KIAA0825: variants seen among roughly 807,000 people sequenced by gnomAD.
KIAA0825 encodes the protein uncharacterized protein KIAA0825.
Under a neutral mutation model 147.6 loss-of-function variants are expected in KIAA0825, and 119 were observed. The ratio of observed to expected loss-of-function variants is 0.81; its 90% CI spans 0.69 to 0.94. The LOEUF (loss-of-function observed/expected upper bound fraction) is 0.94, where lower values mean the gene tolerates loss of function less well. Ranked by LOEUF, KIAA0825 falls within the 40% of genes least tolerant of loss-of-function variation. The pLI is 0.00. For missense variants in KIAA0825, 1,381 were observed against 1,472.7 expected (o/e 0.94, Z 1.02); for synonymous variants, 470 against 518.1 (o/e 0.91, Z 1.26).
intron 2 of KIAA0825, among the ~76,000 whole-genome samples, chr5:94,576,410 A>G (rs74784798): frequency 0.031 from 4,749 of 152,136 alleles, 216 homozygotes; most frequent in East Asian, 0.21. Context: ...TGAATTATGG[A>G]TTACTAGATT....
chr5:94,609,018 T>C (rs1362592074), intron 1 of KIAA0825, among the ~76,000 whole-genome samples: 1 of 152,186 alleles, frequency 6.6e-6, no homozygotes, highest in Non-Finnish European at 1.5e-5. Flanking sequence ...GACCAAGGGA[T>C]TTTTAAAGTA....
At position 94,182,044 on chromosome 5, in the gene KIAA0825, T is replaced by C. The variant is rs144361134; in HGVS notation, c.3711-27920A>G. On this transcript the variant is annotated intron_variant, in intron 20 of 20. Coordinates refer to ENST00000682413, the MANE Select transcript of KIAA0825 (RefSeq NM_001145678.3). Reference sequence around the variant, plus strand: ...GATGTTTAAACTCCTTATCAACATATACAAACCTCTTTCTGACTTGGTTCC... The same window carrying C: ...GATGTTTAAACTCCTTATCAACATACACAAACCTCTTTCTGACTTGGTTCC... Among the ~76,000 whole-genome samples, 208 of 152,052 alleles carry C rather than the reference T, an allele frequency of 1.4e-3. 1 individual carries two copies. The highest frequency in any genetic ancestry group is 4.8e-3 in the African/African-American group (200 of 41,456).
rs1767053910 is a variant in KIAA0825, at chr5:94,156,640, T to G, written c.3711-2516A>C. Among the ~76,000 whole-genome samples, 4 of 152,328 alleles carry G rather than the reference T, an allele frequency of 2.6e-5. No homozygotes were observed. In the South Asian group the frequency reaches 8.3e-4, roughly 32 times the overall value. ...CATGATAAGGATTTTTGAAGCTTCA[T>G]GACAATTATAGGCACTTCACAGTAT... On this transcript the variant is annotated intron_variant, in intron 20 of 20. Coordinates refer to ENST00000682413, the MANE Select transcript of KIAA0825 (RefSeq NM_001145678.3).
chr5:94,159,605 G>A (rs940925209), intron 20 of KIAA0825, among the ~76,000 whole-genome samples: 4 of 151,928 alleles, frequency 2.6e-5, no homozygotes, highest in Non-Finnish European at 4.4e-5. Flanking sequence ...TTGCATATAT[G>A]TATATATGTA....
chr5:94,579,908 C>A (rs1383821273), intron 2 of KIAA0825, among the ~76,000 whole-genome samples: 1 of 152,164 alleles, frequency 6.6e-6, no homozygotes, highest in Non-Finnish European at 1.5e-5. Context: ...AATGCCTTCA[C>A]AGACAACTGT....
rs1766562529 is a variant in KIAA0825, at chr5:94,152,370, A to G, written c.*1637T>C. Among the ~76,000 whole-genome samples the G allele has an allele frequency of 6.6e-6, 1 of 152,184 alleles. No homozygotes were observed. The highest frequency in any genetic ancestry group is 1.5e-5 in the Non-Finnish European group (1 of 68,046). On this transcript the variant is annotated 3_prime_UTR_variant, in exon 21 of 21. Transcript: ENST00000682413. Reference sequence around the variant, plus strand: ...ATCAGAAAACATGAAGTTTGATGTCATATGGTCTAAAATAGCCCATGATGT... The same window carrying G: ...ATCAGAAAACATGAAGTTTGATGTCGTATGGTCTAAAATAGCCCATGATGT...
intron 20 of KIAA0825, among the ~76,000 whole-genome samples, chr5:94,174,718 A>G (rs1768930635): frequency 2.6e-5 from 4 of 152,156 alleles, no homozygotes; most frequent in Admixed American, 2.6e-4. Context: ...GTCCTTTGCT[A>G]ATTTATTCAG....
chr5:94,440,367 C>G (rs149542939), intron 13 of KIAA0825, among the ~76,000 whole-genome samples: 65 of 152,236 alleles, frequency 4.3e-4, no homozygotes, highest in African/African-American at 1.4e-3. Flanking sequence ...AATACCCATG[C>G]CTATGTTTCA....
intron 20 of KIAA0825, among the ~76,000 whole-genome samples, chr5:94,320,650 G>A (rs535153837): frequency 2.6e-5 from 4 of 152,020 alleles, no homozygotes; most frequent in Admixed American, 6.6e-5. Flanking sequence ...TATCCAACTT[G>A]CTGTCTATCT....
chr5:94,517,778 C>T (rs1767504011), intron 5 of KIAA0825, among the ~76,000 whole-genome samples: 1 of 149,696 alleles, frequency 6.7e-6, no homozygotes, highest in African/African-American at 2.4e-5. Flanking sequence ...AAACAATGAC[C>T]ACTAAAGTTG....
intron 2 of KIAA0825, chr5:94,570,257 T>C (rs1779689784): frequency 6.5e-6 from 1 of 152,712 alleles, no homozygotes; most frequent in Non-Finnish European, 1.5e-5. Flanking sequence ...CCTCACCCTA[T>C]TAACACTAGT....
chr5:94,236,825 T>C (rs1775067893), intron 20 of KIAA0825, among the ~76,000 whole-genome samples: 1 of 152,216 alleles, frequency 6.6e-6, no homozygotes. Flanking sequence ...AGATGCTCCT[T>C]AGTATTTTAA....
intron 20 of KIAA0825, among the ~76,000 whole-genome samples, chr5:94,183,563 C>G (rs2149982892): frequency 6.6e-6 from 1 of 152,288 alleles, no homozygotes; most frequent in Middle Eastern, 3.4e-3. Flanking sequence ...TTGAGACTTT[C>G]AGCCCAACCC....
At chr5:94,193,911 A>C (rs1040591394) in intron 20 of KIAA0825, among the ~76,000 whole-genome samples, 3 of 152,194 alleles carry the variant, frequency 2.0e-5, no homozygotes, top group African/African-American at 7.2e-5. Context: ...AAGGGGAATA[A>C]AGGATAACTG....
chr5:94,303,787 G>A (rs1778550130), intron 20 of KIAA0825, among the ~76,000 whole-genome samples: 1 of 151,960 alleles, frequency 6.6e-6, no homozygotes, highest in Non-Finnish European at 1.5e-5. Flanking sequence ...CCATGGTGAG[G>A]CTCCCCTGCA....
chr5:94,322,911 C>CTT (rs879334841), intron 20 of KIAA0825, among the ~76,000 whole-genome samples: 1 of 145,168 alleles, frequency 6.9e-6, no homozygotes. Flanking sequence ...ATTCTGTGAA[C>CTT]TTTTTTTTTT....
At chr5:94,296,412 C>T (rs920090736) in intron 20 of KIAA0825, among the ~76,000 whole-genome samples, 4 of 152,080 alleles carry the variant, frequency 2.6e-5, no homozygotes, top group Non-Finnish European at 1.5e-5. Context: ...GAGAGTGAAC[C>T]ATTTTGTCTC....
chr5:94,307,308 T>C (rs1778806114), intron 20 of KIAA0825, among the ~76,000 whole-genome samples: 1 of 151,834 alleles, frequency 6.6e-6, no homozygotes, highest in Admixed American at 6.6e-5. Context: ...TGCAACTATC[T>C]ACTTTTCCCC....
chr5:94,484,961 C>G, intron 5 of KIAA0825, 31 bp from the exon 6 acceptor site: 3 of 1,362,664 alleles, frequency 2.2e-6, no homozygotes, highest in Non-Finnish European at 1.9e-6. Context: ...TACTGTCATA[C>G]ATTTTATTTA....
Sources: allele counts gnomAD v4.1 joint callset (sites outside exome capture counted in the v4.1 genomes callset), GRCh38; gene constraint gnomAD v4.1.1; transcripts MANE v1.5; gene names NCBI Gene and HGNC (gene_info 2026-07-23, HGNC 2026-07-21).